The following ZMYND12 variants were observed in gnomAD, a reference collection of about 807,000 sequenced individuals.
ZMYND12 encodes the protein zinc finger MYND domain-containing protein 12.
In ZMYND12, 32 loss-of-function variants were observed where a neutral mutation model predicts 41.7. That is an observed-to-expected ratio of 0.77 (90% CI 0.58 to 1.03). The LOEUF is 1.03. Among genes scored for constraint, ZMYND12 ranks in the 50% least tolerant of loss-of-function variants. The probability of loss-of-function intolerance (pLI) is 0.00; values close to 1 mark genes in which losing one functional copy is unlikely to be tolerated. For missense variants in ZMYND12, 424 were observed against 438.5 expected (o/e 0.97, Z 0.30); for synonymous variants, 148 against 164.8 (o/e 0.90, Z 0.78).
chr1:42,430,795 G>T lies in ZMYND12; in HGVS notation c.1039C>A (p.Gln347Lys), dbSNP rs1368662813. The change falls in exon 8 of 8, where the codon CAA becomes AAA. Residue 347 changes from glutamine to lysine, a missense_variant. Transcript: ENST00000372565. ...AKEQQLDVHE[Q>K]STIQELLSLI... ...CTTAATAACTCTTGAATGGTGCTTT[G>T]CTCATGGACATCAAGCTGTTGTTCT... is the stretch of plus-strand genomic sequence containing the variant. The T allele has an allele frequency of 6.2e-7, 1 of 1,614,196 alleles. No homozygotes were observed. The highest frequency in any genetic ancestry group is 1.1e-5 in the South Asian group (1 of 91,084).
intron 3 of ZMYND12, among the ~76,000 whole-genome samples, chr1:42,444,761 C>A (rs1485772383): frequency 6.7e-6 from 1 of 148,984 alleles, no homozygotes; most frequent in Non-Finnish European, 1.5e-5. Context: ...TCAATGAATA[C>A]AATTATTAAT....
chr1:42,440,943 C>T lies in ZMYND12; in HGVS notation c.425-918G>A, dbSNP rs571656117. Reference sequence around the variant, plus strand: ...TCGACCTCCCAAAGTGCTGGGAATACAGGCGTGAGACACTGTGTCTGGCCT... The same window carrying T: ...TCGACCTCCCAAAGTGCTGGGAATATAGGCGTGAGACACTGTGTCTGGCCT... On this transcript the variant is annotated intron_variant, in intron 3 of 7. Transcript: ENST00000372565. Among the ~76,000 whole-genome samples the T allele has an allele frequency of 1.1e-3, 170 of 152,234 alleles. 2 individuals are homozygous for T. The highest frequency in any genetic ancestry group is 3.4e-3 in the Middle Eastern group (1 of 294).
chr1:42,435,546 G>C (rs1286141379), intron 5 of ZMYND12, 161 bp from the exon 6 acceptor site: 1 of 570,706 alleles, frequency 1.8e-6, no homozygotes, highest in Non-Finnish European at 3.2e-6. Flanking sequence ...GCCCAAACAG[G>C]CCTGGCCAAG....
Position 42,452,628 on chromosome 1 carries a change from G to A in ZMYND12, c.111-2569C>T, listed in dbSNP as rs530705802. Reference sequence around the variant, plus strand: ...TGAGGCAAGAGAATTGCTTGAACCCGGGAGACAGAGGTTGCAGTGAGCCAA... The same window carrying A: ...TGAGGCAAGAGAATTGCTTGAACCCAGGAGACAGAGGTTGCAGTGAGCCAA... On this transcript the variant is annotated intron_variant, in intron 1 of 7. Transcript: ENST00000372565. Among the ~76,000 whole-genome samples, 313 of 152,164 alleles carry A rather than the reference G, an allele frequency of 2.1e-3. 4 individuals carry two copies. The highest frequency in any genetic ancestry group is 4.6e-3 in the African/African-American group (191 of 41,508).
chr1:42,430,686 A>T lies in ZMYND12; in HGVS notation c.*50T>A. 6.2e-7 allele frequency: 1 copy of T among 1,603,764 alleles called. No homozygotes were observed. Among genetic ancestry groups the T allele is most frequent in the East Asian group, 2.2e-5 (1 of 44,630 alleles). On this transcript the variant is annotated 3_prime_UTR_variant, in exon 8 of 8. Transcript: ENST00000372565. ...CAGTTGTGCAAGGCTGGAATATATT[A>T]GATCTTCAGTAGCCCCTGGAATAAC...
At chr1:42,451,576 CAGCCACAGACA>C (rs1256590158) in intron 1 of ZMYND12, among the ~76,000 whole-genome samples, 9 of 152,170 alleles carry the variant, frequency 5.9e-5, no homozygotes, top group Non-Finnish European at 1.3e-4. Context: ...AGCACAAAAG[CAGCCACAGACA>C]ATATATAGCC....
intron 3 of ZMYND12, among the ~76,000 whole-genome samples, chr1:42,446,645 C>T (rs993381883): frequency 4.0e-5 from 5 of 124,494 alleles, no homozygotes; most frequent in Admixed American, 8.4e-5. Context: ...GAGTGAGACT[C>T]GGTCTCAAAA....
chr1:42,449,670 A>G (rs1393060311), intron 2 of ZMYND12, among the ~76,000 whole-genome samples: 1 of 152,198 alleles, frequency 6.6e-6, no homozygotes, highest in Non-Finnish European at 1.5e-5. Flanking sequence ...TGAGGAAATA[A>G]ATGTATGCTG....
Position 42,439,852 on chromosome 1 carries a change from T to C in ZMYND12, c.594+4A>G. On this transcript the variant is annotated splice_donor_region_variant and intron_variant, in intron 4 of 7. Transcript: ENST00000372565. ...ATACAGGTGTTATAACTTAGCTTGT[T>C]TACATCATTGGCCAGATGATAACGG... is the stretch of plus-strand genomic sequence containing the variant. 1 of 1,604,332 alleles carries C rather than the reference T, an allele frequency of 6.2e-7. No homozygotes were observed. Among genetic ancestry groups the C allele is most frequent in the Non-Finnish European group, 8.5e-7 (1 of 1,176,730 alleles).
chr1:42,430,972 CCA>C (rs1642842835), intron 7 of ZMYND12, 114 bp from the exon 8 acceptor site: 5 of 1,396,818 alleles, frequency 3.6e-6, no homozygotes, highest in Non-Finnish European at 4.9e-6. Flanking sequence ...CCTTTTCACA[CCA>C]CCCACTGAGC....
chr1:42,431,294 T>G (rs1642847431), intron 7 of ZMYND12, among the ~76,000 whole-genome samples: 1 of 152,140 alleles, frequency 6.6e-6, no homozygotes, highest in Non-Finnish European at 1.5e-5. Context: ...CCTTCCTTCC[T>G]ATAAATTGTT....
intron 2 of ZMYND12, among the ~76,000 whole-genome samples, 161 bp downstream of exon 2, chr1:42,449,757 A>C (rs1643063155): frequency 1.3e-5 from 2 of 152,240 alleles, no homozygotes; most frequent in Admixed American, 6.5e-5. Flanking sequence ...GTAAATGTGG[A>C]AAACAACAGA....
At chr1:42,433,734 C>T (rs751893851) in intron 6 of ZMYND12, among the ~76,000 whole-genome samples, 5 of 152,216 alleles carry the variant, frequency 3.3e-5, no homozygotes, top group African/African-American at 7.2e-5. Flanking sequence ...CTTAACTCTT[C>T]TCGTCTAGGC....
At chr1:42,454,799 G>T (rs1175387269) in intron 1 of ZMYND12, among the ~76,000 whole-genome samples, 1 of 151,690 alleles carries the variant, frequency 6.6e-6, no homozygotes, top group Non-Finnish European at 1.5e-5. Context: ...CGCCTCCCGG[G>T]TTCAAACGAT....
At chr1:42,445,103 C>T (rs1273784895) in intron 3 of ZMYND12, among the ~76,000 whole-genome samples, 5 of 150,884 alleles carry the variant, frequency 3.3e-5, no homozygotes, top group African/African-American at 9.7e-5. Context: ...CCACCGTGCC[C>T]GGCCAGAAAG....
At chr1:42,438,539 A>G (rs7540716) in intron 4 of ZMYND12, among the ~76,000 whole-genome samples, 33,868 of 151,956 alleles carry the variant, frequency 0.22, 3,974 homozygotes, top group South Asian at 0.44. Flanking sequence ...GCAGAGAGGC[A>G]GCAGAGAGAA....
At chr1:42,437,385 T>C (rs900622007) in intron 4 of ZMYND12, among the ~76,000 whole-genome samples, 1 of 151,886 alleles carries the variant, frequency 6.6e-6, no homozygotes. Context: ...TTGCTAAAAA[T>C]AATTTAATTG....
intron 1 of ZMYND12, among the ~76,000 whole-genome samples, chr1:42,455,400 G>A (rs185130007): frequency 2.0e-5 from 3 of 152,358 alleles, no homozygotes; most frequent in Non-Finnish European, 4.4e-5. Context: ...AGCCTCCCGA[G>A]TAGCTGGGAT....
chr1:42,443,592 G>A (rs1642991732), intron 3 of ZMYND12, among the ~76,000 whole-genome samples: 1 of 152,158 alleles, frequency 6.6e-6, no homozygotes, highest in Admixed American at 6.5e-5. Context: ...TGGCTGTGAG[G>A]TGCCCAGGGG....
Sources: allele counts gnomAD v4.1 joint callset (sites outside exome capture counted in the v4.1 genomes callset), GRCh38; gene constraint gnomAD v4.1.1; transcripts MANE v1.5; gene names NCBI Gene and HGNC (gene_info 2026-07-23, HGNC 2026-07-21).